TMEM135: variants seen among roughly 807,000 people sequenced by gnomAD.
TMEM135 encodes the protein transmembrane protein 135.
In TMEM135, 30 loss-of-function variants were observed where a neutral mutation model predicts 60.3. That is an observed-to-expected ratio of 0.50 (90% CI 0.37 to 0.68). TMEM135 has a LOEUF of 0.68. TMEM135 is among the 30% of genes least tolerant of loss of function. The pLI is 0.00. For missense variants in TMEM135, 468 were observed against 548.8 expected (o/e 0.85, Z 1.47); for synonymous variants, 190 against 186.7 (o/e 1.02, Z -0.14).
chr11:87,288,178 T>A (rs142921377), intron 6 of TMEM135, among the ~76,000 whole-genome samples: 275 of 152,324 alleles, frequency 1.8e-3, no homozygotes, highest in African/African-American at 5.2e-3. Flanking sequence ...AACAGCATTT[T>A]ATATTTTACT....
chr11:87,071,638 A>C, intron 3 of TMEM135, 23 bp downstream of exon 3: 1 of 1,595,078 alleles, frequency 6.3e-7, no homozygotes, highest in Non-Finnish European at 8.6e-7. Flanking sequence ...ATATTTATTT[A>C]ACGGAACTGA....
At chr11:87,117,586 T>C (rs1014113179) in intron 4 of TMEM135, among the ~76,000 whole-genome samples, 31 of 152,204 alleles carry the variant, frequency 2.0e-4, no homozygotes, top group African/African-American at 7.2e-4. Context: ...ACAGAACTCC[T>C]GATCTGTTCA....
intron 5 of TMEM135, among the ~76,000 whole-genome samples, chr11:87,209,747 T>C (rs1273122723): frequency 1.3e-5 from 2 of 152,104 alleles, no homozygotes; most frequent in Non-Finnish European, 2.9e-5. Flanking sequence ...TGTTACATAC[T>C]CTAAAATGAC....
chr11:87,088,521 G>C (rs112893143), intron 3 of TMEM135, among the ~76,000 whole-genome samples: 53 of 152,130 alleles, frequency 3.5e-4, no homozygotes, highest in African/African-American at 1.1e-3. Context: ...TAGCTCAAGA[G>C]AAAAACTTCC....
In TMEM135 at chr11:87,236,794, A is replaced by G. The variant is rs1323068838; in HGVS notation, c.509+110A>G. On this transcript the variant is annotated intron_variant, in intron 6 of 14. Coordinates refer to ENST00000305494, the MANE Select transcript of TMEM135 (RefSeq NM_022918.4). ...CAAATAATTATCCCTTACAAGCAGC[A>G]TACTCCCCCCGCACCCCCGCCCAGA... 22 of 1,086,762 alleles carry G rather than the reference A, an allele frequency of 2.0e-5. No individual in the cohort carries two copies. In the East Asian group the frequency reaches 2.2e-4, roughly 11 times the overall value. 67.3% of individuals were successfully genotyped at this position (1,086,762 alleles called of 1,614,324 possible).
At chr11:87,098,864 A>G (rs1396811277) in intron 4 of TMEM135, among the ~76,000 whole-genome samples, 2 of 151,900 alleles carry the variant, frequency 1.3e-5, no homozygotes, top group African/African-American at 4.8e-5. Context: ...AATTTTTTGT[A>G]TTTTAAGTAG....
Position 87,323,237 on chromosome 11 carries a change from C to A in TMEM135, c.*1904C>A. On this transcript the variant is annotated 3_prime_UTR_variant, in exon 15 of 15. Coordinates refer to ENST00000305494, the MANE Select transcript of TMEM135 (RefSeq NM_022918.4). ...TTTACCTTTTCATTTTTATAAATTG[C>A]AGTCATTTTTTTAAATTTTATGTAA... 1 of 453,510 alleles carries A rather than the reference C, an allele frequency of 2.2e-6. No homozygotes were observed. Among genetic ancestry groups the A allele is most frequent in the South Asian group, 1.6e-5 (1 of 64,318 alleles). 28.1% of individuals were successfully genotyped at this position (453,510 alleles called of 1,614,324 possible).
intron 6 of TMEM135, among the ~76,000 whole-genome samples, chr11:87,253,147 G>T (rs1941453300): frequency 6.6e-6 from 1 of 152,070 alleles, no homozygotes; most frequent in South Asian, 2.1e-4. Context: ...TTTGTTGAGT[G>T]TACTCTAAGA....
At chr11:87,152,046 C>G (rs773217868) in intron 4 of TMEM135, among the ~76,000 whole-genome samples, 11 of 152,184 alleles carry the variant, frequency 7.2e-5, no homozygotes, top group Non-Finnish European at 1.3e-4. Flanking sequence ...TCCACCAGTT[C>G]TCAGTCTTAC....
intron 9 of TMEM135, among the ~76,000 whole-genome samples, chr11:87,307,643 T>C (rs968986886): frequency 6.6e-6 from 1 of 152,222 alleles, no homozygotes; most frequent in Non-Finnish European, 1.5e-5. Flanking sequence ...TACTGTAAAC[T>C]TGGCAATTTA....
chr11:87,326,461 T>C lies in TMEM135; in HGVS notation c.*5128T>C. ...TTAAATTAATTTTCTTTTCAGATTA[T>C]TTTTGGTCACCTAAGAGGACCCTGA... is the stretch of plus-strand genomic sequence containing the variant. On this transcript the variant is annotated 3_prime_UTR_variant, in exon 15 of 15. Transcript: ENST00000305494. 1 of 454,086 alleles carries C rather than the reference T, an allele frequency of 2.2e-6. No homozygotes were observed. Among genetic ancestry groups the C allele is most frequent in the Non-Finnish European group, 4.4e-6 (1 of 226,778 alleles). 28.1% of individuals were successfully genotyped at this position (454,086 alleles called of 1,614,324 possible). A position where few individuals can be genotyped will look rare whatever the true frequency, so the allele number is the denominator to read the frequency against.
intron 5 of TMEM135, among the ~76,000 whole-genome samples, chr11:87,215,406 C>T (rs536441074): frequency 3.3e-5 from 5 of 152,314 alleles, no homozygotes; most frequent in Admixed American, 3.3e-4. Context: ...CTGCTGGTAT[C>T]TCTTGGGATT....
At chr11:87,067,072 G>A (rs186865648) in intron 1 of TMEM135, among the ~76,000 whole-genome samples, 3 of 149,550 alleles carry the variant, frequency 2.0e-5, no homozygotes, top group East Asian at 3.9e-4. Flanking sequence ...GAGCCACCGC[G>A]CCCGGCCTAG....
At chr11:87,264,632 C>A (rs999894585) in intron 6 of TMEM135, among the ~76,000 whole-genome samples, 1 of 151,806 alleles carries the variant, frequency 6.6e-6, no homozygotes, top group Admixed American at 6.6e-5. Context: ...GCAGTCTGTA[C>A]ATTTTAAGAA....
chr11:87,158,110 G>T (rs1375115539), intron 5 of TMEM135, among the ~76,000 whole-genome samples: 1 of 152,050 alleles, frequency 6.6e-6, no homozygotes, highest in African/African-American at 2.4e-5. Context: ...TATTTTTGAG[G>T]AGATGGGGTC....
At chr11:87,045,316 C>G (rs1334256458) in intron 1 of TMEM135, among the ~76,000 whole-genome samples, 2 of 152,172 alleles carry the variant, frequency 1.3e-5, no homozygotes, top group Non-Finnish European at 2.9e-5. Flanking sequence ...AGGCGTGAGC[C>G]ACCGCACCCG....
rs904172501 is a variant in TMEM135 at position 87,165,577 on chromosome 11, C to G, written c.462+8171C>G. Among the ~76,000 whole-genome samples, 19 of 148,982 alleles carry G rather than the reference C, an allele frequency of 1.3e-4. 1 individual carries two copies. The highest frequency in any genetic ancestry group is 3.0e-4 in the African/African-American group (12 of 39,756). On this transcript the variant is annotated intron_variant, in intron 5 of 14. Coordinates refer to ENST00000305494, the MANE Select transcript of TMEM135 (RefSeq NM_022918.4). Reference sequence around the variant, plus strand: ...CATAAAATGAGTTAGGGAGGATTCCCTCTTTTTCTATTGATTGGAATAGTT... The same window carrying G: ...CATAAAATGAGTTAGGGAGGATTCCGTCTTTTTCTATTGATTGGAATAGTT...
chr11:87,073,899 C>T (rs1392651405), intron 3 of TMEM135, among the ~76,000 whole-genome samples: 1 of 152,034 alleles, frequency 6.6e-6, no homozygotes, highest in African/African-American at 2.4e-5. Context: ...AACTCCCATC[C>T]TCAGGAGATC....
chr11:87,301,568 A>G (rs1022119538), intron 7 of TMEM135, among the ~76,000 whole-genome samples: 1 of 152,042 alleles, frequency 6.6e-6, no homozygotes. Flanking sequence ...CCAGACTTTT[A>G]GTGTATTGTT....
Sources: gnomAD v4.1 joint callset for allele counts (sites outside exome capture counted in the v4.1 genomes callset) on GRCh38, gnomAD v4.1.1 for gene constraint, MANE v1.5 for transcripts, NCBI Gene and HGNC (gene_info 2026-07-23, HGNC 2026-07-21) for gene names.